Variants in ARID1B observed in about 807,000 individuals in gnomAD.
ARID1B encodes the protein AT-rich interaction domain 1B, also known as AT-rich interactive domain-containing protein 1B.
Under a neutral mutation model 212.3 loss-of-function variants are expected in ARID1B, and 30 were observed. The ratio of observed to expected loss-of-function variants is 0.14; its 90% CI spans 0.11 to 0.19. The LOEUF (loss-of-function observed/expected upper bound fraction) is 0.19, where lower values mean the gene tolerates loss of function less well. ARID1B is among the 10% of genes least tolerant of loss of function. The pLI, the probability that ARID1B is intolerant of heterozygous loss-of-function variation, is 1.00. For missense variants in ARID1B, 2,891 were observed against 3,204.0 expected (o/e 0.90, Z 2.36); for synonymous variants, 1,402 against 1,301.7 (o/e 1.08, Z -1.66).
At chr6:157,121,629 C>CCT (rs1787720671) in intron 6 of ARID1B, among the ~76,000 whole-genome samples, 3 of 112,928 alleles carry the variant, frequency 2.7e-5, no homozygotes, top group African/African-American at 1.1e-4. Flanking sequence ...TCATATATAG[C>CCT]TTTTTTTTTT....
chr6:157,116,707 T>A (rs989723531), intron 6 of ARID1B, among the ~76,000 whole-genome samples: 3 of 151,966 alleles, frequency 2.0e-5, no homozygotes, highest in African/African-American at 7.3e-5. Flanking sequence ...TGTGTGGCCA[T>A]CAGATCGGTG....
chr6:157,183,044 C>A (rs893015944), intron 12 of ARID1B, among the ~76,000 whole-genome samples: 14 of 152,150 alleles, frequency 9.2e-5, no homozygotes, highest in African/African-American at 3.4e-4. Context: ...AGACTCTCCG[C>A]GGGCTTATAA....
intron 4 of ARID1B, among the ~76,000 whole-genome samples, chr6:157,050,898 CT>C (rs1281131448): frequency 6.6e-6 from 1 of 152,158 alleles, no homozygotes; most frequent in Non-Finnish European, 1.5e-5. Flanking sequence ...TGTATGCATT[CT>C]TTCCTTTTAC....
At chr6:156,873,051 A>C (rs1446442979) in intron 2 of ARID1B, among the ~76,000 whole-genome samples, 2 of 152,094 alleles carry the variant, frequency 1.3e-5, no homozygotes, top group African/African-American at 2.4e-5. Flanking sequence ...GACCACCTGA[A>C]CAGGCCATTT....
At chr6:156,966,381 C>CTTTTTTTTT (rs1249420315) in intron 4 of ARID1B, among the ~76,000 whole-genome samples, 3 of 89,432 alleles carry the variant, frequency 3.4e-5, no homozygotes, top group African/African-American at 1.1e-4. Flanking sequence ...CTTTTCTTTT[C>CTTTTTTTTT]TTTTCTTTTT....
chr6:157,159,734 A>G (rs906250169), intron 8 of ARID1B, among the ~76,000 whole-genome samples: 4 of 152,234 alleles, frequency 2.6e-5, no homozygotes, highest in African/African-American at 9.6e-5. Flanking sequence ...TGTGGAGACA[A>G]TCAGGAGAAA....
At chr6:156,872,635 G>A (rs552667232) in intron 2 of ARID1B, among the ~76,000 whole-genome samples, 5 of 152,164 alleles carry the variant, frequency 3.3e-5, no homozygotes, top group East Asian at 1.9e-4. Flanking sequence ...CTAACCCATC[G>A]GTTTTCAGTC....
intron 2 of ARID1B, among the ~76,000 whole-genome samples, chr6:156,880,739 C>CAAAAAAAAAAAAAA (rs141153792): frequency 6.9e-5 from 6 of 86,994 alleles, no homozygotes; most frequent in Non-Finnish European, 8.3e-5. Flanking sequence ...GACTCTGTCT[C>CAAAAAAAAAAAAAA]AAAAAAAAAA....
At chr6:156,868,256 T>C (rs1298620237) in intron 2 of ARID1B, among the ~76,000 whole-genome samples, 1 of 152,254 alleles carries the variant, frequency 6.6e-6, no homozygotes, top group Non-Finnish European at 1.5e-5. Context: ...AATTGAGGAA[T>C]TGGTGTTTCC....
At chr6:156,928,396 G>A (rs1366528736) in intron 3 of ARID1B, among the ~76,000 whole-genome samples, 3 of 152,172 alleles carry the variant, frequency 2.0e-5, no homozygotes. Context: ...AGTTGTGTGG[G>A]GTGGCTCTGA....
chr6:156,902,727 C>A (rs1789047520), intron 3 of ARID1B, among the ~76,000 whole-genome samples: 1 of 117,388 alleles, frequency 8.5e-6, no homozygotes, highest in African/African-American at 3.4e-5. Flanking sequence ...CAGAGTGAGA[C>A]TCTGTCTCAA....
intron 4 of ARID1B, among the ~76,000 whole-genome samples, chr6:157,021,508 C>G (rs1414381303): frequency 6.6e-6 from 1 of 152,224 alleles, no homozygotes; most frequent in Admixed American, 6.5e-5. Context: ...GGCGGGGGTT[C>G]CGGTGCCGCC....
intron 6 of ARID1B, among the ~76,000 whole-genome samples, chr6:157,115,531 A>G (rs1055350768): frequency 2.6e-5 from 4 of 152,138 alleles, no homozygotes; most frequent in African/African-American, 9.7e-5. Flanking sequence ...GGTTCACGCC[A>G]TTCTCCTGCC....
At chr6:157,059,673 C>T (rs1783214667) in intron 4 of ARID1B, among the ~76,000 whole-genome samples, 1 of 152,134 alleles carries the variant, frequency 6.6e-6, no homozygotes, top group African/African-American at 2.4e-5. Flanking sequence ...TACAAGTGAC[C>T]CTAAATTTCC....
intron 2 of ARID1B, among the ~76,000 whole-genome samples, chr6:156,852,533 T>C (rs1056684043): frequency 1.3e-5 from 2 of 152,166 alleles, no homozygotes; most frequent in Non-Finnish European, 2.9e-5. Context: ...CTTACTCATA[T>C]GACTATTCCA....
intron 16 of ARID1B, among the ~76,000 whole-genome samples, chr6:157,198,114 A>G (rs1482502372): frequency 6.6e-6 from 1 of 152,184 alleles, no homozygotes; most frequent in East Asian, 1.9e-4. Flanking sequence ...TATGGTATTT[A>G]TAATTTCTTA....
At chr6:156,789,786 C>G (rs1326769516) in intron 1 of ARID1B, among the ~76,000 whole-genome samples, 2 of 152,312 alleles carry the variant, frequency 1.3e-5, no homozygotes, top group East Asian at 1.9e-4. Context: ...CACTTCGCTT[C>G]TCTGTGCTGT....
At chr6:157,133,682 G>A (rs1583370279) in intron 7 of ARID1B, among the ~76,000 whole-genome samples, 2 of 152,186 alleles carry the variant, frequency 1.3e-5, no homozygotes, top group African/African-American at 4.8e-5. Flanking sequence ...GCCGCATCAG[G>A]TCAGCAGTAG....
intron 4 of ARID1B, among the ~76,000 whole-genome samples, chr6:157,061,954 G>C (rs1317623416): frequency 1.3e-5 from 2 of 152,120 alleles, no homozygotes; most frequent in Non-Finnish European, 2.9e-5. Flanking sequence ...AGTCACCATG[G>C]TAAATTTTTC....
Sources: gnomAD v4.1 joint callset for allele counts (sites outside exome capture counted in the v4.1 genomes callset) on GRCh38, gnomAD v4.1.1 for gene constraint, MANE v1.5 for transcripts, NCBI Gene and HGNC (gene_info 2026-07-23, HGNC 2026-07-21) for gene names.